Variants in CORO1C observed in about 807,000 individuals in gnomAD.
The protein encoded by CORO1C is coronin-1C.
Under a neutral mutation model 51.2 loss-of-function variants are expected in CORO1C, and 14 were observed. That is an observed-to-expected ratio of 0.27 (90% confidence interval 0.18 to 0.43). The LOEUF (loss-of-function observed/expected upper bound fraction) is 0.43. CORO1C is among the 20% of genes least tolerant of loss of function. The pLI, the probability that CORO1C is intolerant of heterozygous loss-of-function variation, is 1.00. For synonymous variants in CORO1C, 181 were observed against 210.5 expected (o/e 0.86, Z 1.21); for missense variants, 417 against 607.8 (o/e 0.69, Z 3.30).
intron 1 of CORO1C, among the ~76,000 whole-genome samples, chr12:108,707,267 T>C (rs561458675): frequency 2.8e-4 from 43 of 152,314 alleles, no homozygotes; most frequent in African/African-American, 1.0e-3. Flanking sequence ...GACTCCTATT[T>C]CCTGATTTCA....
intron 2 of CORO1C, among the ~76,000 whole-genome samples, chr12:108,692,852 C>T (rs985087983): frequency 3.9e-5 from 5 of 128,672 alleles, no homozygotes; most frequent in Admixed American, 9.4e-5. Flanking sequence ...GGCTGGAGTG[C>T]AATGGTGCTA....
At chr12:108,655,982 C>A (rs994472690) in intron 6 of CORO1C, among the ~76,000 whole-genome samples, 1 of 150,030 alleles carries the variant, frequency 6.7e-6, no homozygotes, top group African/African-American at 2.5e-5. Flanking sequence ...GGGAGCGCCT[C>A]TGCTCCGCCG....
intron 2 of CORO1C, among the ~76,000 whole-genome samples, chr12:108,690,025 A>C (rs2034441712): frequency 6.6e-6 from 1 of 152,118 alleles, no homozygotes; most frequent in Admixed American, 6.5e-5. Flanking sequence ...TTATGACAGT[A>C]TTATTTATGT....
At chr12:108,726,214 G>A (rs548777465) in intron 1 of CORO1C, among the ~76,000 whole-genome samples, 2 of 152,128 alleles carry the variant, frequency 1.3e-5, no homozygotes, top group African/African-American at 2.4e-5. Flanking sequence ...TCAGGAGATC[G>A]AGATCATCCT....
At chr12:108,702,588 T>C (rs544709982) in intron 1 of CORO1C, among the ~76,000 whole-genome samples, 1 of 152,206 alleles carries the variant, frequency 6.6e-6, no homozygotes, top group South Asian at 2.1e-4. Context: ...GATAAAAATC[T>C]AAGTGGAAAT....
rs377185786 is a variant in CORO1C at position 108,657,390 on chromosome 12, T to C, written c.664A>G (p.Met222Val). 294 of 1,613,852 alleles carry C rather than the reference T, an allele frequency of 1.8e-4. No individual in the cohort carries two copies. The highest frequency in any genetic ancestry group is 2.4e-4 in the Non-Finnish European group (278 of 1,179,914). Residue 222 changes from methionine (M) to valine (V), a missense_variant, in exon 6 of 11, where the codon ATG (methionine) becomes GTG (valine). Physicochemically the swap from Met to Val is conservative, Grantham distance 21 (BLOSUM62 1). Transcript: ENST00000261401. ...CCATCGGCCAGGAAGATGGCTCTCA[T>C]GGGTCTTGCTCCTTCATGTGCTTTC... ...KEKAHEGARP[M>V]RAIFLADGNV...
intron 2 of CORO1C, chr12:108,696,261 A>G (rs550792150): frequency 6.6e-6 from 1 of 152,340 alleles, no homozygotes; most frequent in Admixed American, 6.5e-5. Flanking sequence ...GAAAGAAAGC[A>G]ACTTGGGAAG....
intron 1 of CORO1C, among the ~76,000 whole-genome samples, chr12:108,729,591 G>C (rs1329665331): frequency 6.6e-6 from 1 of 152,112 alleles, no homozygotes; most frequent in Non-Finnish European, 1.5e-5. Flanking sequence ...ACAATTCTCA[G>C]TTTTATTTCA....
chr12:108,659,018 CAGAG>C (rs374484534), intron 4 of CORO1C, 99 bp from the exon 5 acceptor site: 541 of 1,128,418 alleles, frequency 4.8e-4, no homozygotes, highest in South Asian at 8.1e-4. Context: ...TATGTATATG[CAGAG>C]AGAGAGAGAG....
chr12:108,717,166 A>C (rs543089312), intron 1 of CORO1C, among the ~76,000 whole-genome samples: 7 of 152,232 alleles, frequency 4.6e-5, no homozygotes, highest in African/African-American at 1.2e-4. Flanking sequence ...CAACTGGGCA[A>C]TAAGAGAAGA....
intron 2 of CORO1C, among the ~76,000 whole-genome samples, chr12:108,698,490 T>C (rs920413663): frequency 1.3e-5 from 2 of 152,222 alleles, no homozygotes; most frequent in African/African-American, 4.8e-5. Flanking sequence ...TCACTGCAAC[T>C]CCGCCTCCCG....
At chr12:108,725,537 G>A (rs751803958) in intron 1 of CORO1C, among the ~76,000 whole-genome samples, 10 of 152,202 alleles carry the variant, frequency 6.6e-5, no homozygotes, top group Non-Finnish European at 1.5e-4. Flanking sequence ...AGCAAGAAGC[G>A]GAGCCAAGAG....
At chr12:108,694,321 G>A (rs1056094836) in intron 2 of CORO1C, among the ~76,000 whole-genome samples, 1 of 149,020 alleles carries the variant, frequency 6.7e-6, no homozygotes, top group Non-Finnish European at 1.5e-5. Flanking sequence ...ACCCACCACA[G>A]GTCGCTGCAC....
intron 1 of CORO1C, among the ~76,000 whole-genome samples, chr12:108,703,940 T>C (rs1470748492): frequency 1.3e-5 from 2 of 152,172 alleles, no homozygotes; most frequent in Non-Finnish European, 2.9e-5. Flanking sequence ...CACCATTCAA[T>C]GTGCCCCTCC....
intron 2 of CORO1C, among the ~76,000 whole-genome samples, chr12:108,681,817 CAAAT>C (rs973440911): frequency 2.0e-5 from 3 of 151,870 alleles, no homozygotes; most frequent in Admixed American, 1.3e-4. Flanking sequence ...CAACAGTGAG[CAAAT>C]AAATAAATAA....
chr12:108,664,381 T>C (rs185492297), intron 3 of CORO1C, among the ~76,000 whole-genome samples: 1 of 152,202 alleles, frequency 6.6e-6, no homozygotes, highest in Non-Finnish European at 1.5e-5. Context: ...AGCTCAGTTC[T>C]ACTGTCCTGC....
chr12:108,675,937 T>A (rs1203277282), intron 3 of CORO1C, among the ~76,000 whole-genome samples: 1 of 152,112 alleles, frequency 6.6e-6, no homozygotes, highest in Non-Finnish European at 1.5e-5. Context: ...AACTGCAACA[T>A]GAGGGTACAA....
chr12:108,648,447 A>G (rs1258846257), intron 10 of CORO1C, among the ~76,000 whole-genome samples, 158 bp downstream of exon 10: 2 of 152,138 alleles, frequency 1.3e-5, no homozygotes, highest in East Asian at 3.9e-4. Flanking sequence ...ACAAACCACC[A>G]CCATCACGTG....
intron 6 of CORO1C, among the ~76,000 whole-genome samples, chr12:108,656,464 C>T (rs1176523130): frequency 6.3e-5 from 9 of 143,908 alleles, no homozygotes; most frequent in Middle Eastern, 4.4e-3. Context: ...CCACCCCATC[C>T]GGGAGGTGGG....
Sources: gnomAD v4.1 joint callset for allele counts (sites outside exome capture counted in the v4.1 genomes callset) on GRCh38, gnomAD v4.1.1 for gene constraint, MANE v1.5 for transcripts, NCBI Gene and HGNC (gene_info 2026-07-23, HGNC 2026-07-21) for gene names.